The following ZNF627 variants were observed in gnomAD, a reference collection of about 807,000 sequenced individuals.
ZNF627 encodes the protein zinc finger protein 627.
A neutral mutation model predicts 10.6 loss-of-function variants in ZNF627; 12 were observed. The observed-to-expected ratio is 1.13, with a 90% CI of 0.73 to 1.84. ZNF627 has a LOEUF of 1.84. ZNF627 is among the 40% of genes most tolerant of loss of function. The pLI, the probability that ZNF627 is intolerant of heterozygous loss-of-function variation, is 0.00. For missense variants in ZNF627, 504 were observed against 568.4 expected, an observed-to-expected ratio of 0.89 and a Z score of 1.15; for synonymous variants, 176 against 187.1, an observed-to-expected ratio of 0.94 and a Z score of 0.48.
intron 1 of ZNF627, 56 bp from the exon 2 acceptor site, chr19:11,614,471 G>A (rs576293820): frequency 3.1e-6 from 5 of 1,606,660 alleles, no homozygotes; most frequent in Middle Eastern, 1.7e-4. Context: ...ATAAAGTCTA[G>A]GCCCCCAGTG....
Position 11,616,982 on chromosome 19 carries a change from C to A in ZNF627, c.479C>A (p.Thr160Asn). 1 of 1,614,172 alleles carries A rather than the reference C, an allele frequency of 6.2e-7. No individual in the cohort carries two copies. Among genetic ancestry groups the A allele is most frequent in the Non-Finnish European group, 8.5e-7 (1 of 1,180,034 alleles). The change falls in exon 4 of 4, where the codon ACT (threonine) becomes AAT (asparagine). Residue 160 changes from threonine to asparagine, a missense_variant. Coordinates refer to ENST00000361113, the MANE Select transcript of ZNF627 (RefSeq NM_145295.4). Reference sequence around the variant, plus strand: ...CGCTCTTTTCCAGTACGTGAAAGGACTCATCCTGGAGGAAAGCCCTATGAT... The same window carrying A: ...CGCTCTTTTCCAGTACGTGAAAGGAATCATCCTGGAGGAAAGCCCTATGAT... ...YHRSFPVRER[T>N]HPGGKPYDCK...
intron 1 of ZNF627, among the ~76,000 whole-genome samples, chr19:11,613,863 C>T (rs935909425): frequency 2.6e-5 from 4 of 151,586 alleles, no homozygotes; most frequent in African/African-American, 9.7e-5. Context: ...TCTAAAGATA[C>T]ACAGTCTCAG....
At position 11,617,039 on chromosome 19, in the gene ZNF627, T is replaced by C. The variant is rs750927024; in HGVS notation, c.536T>C (p.Leu179Pro). ...CKECGETFIS[L>P]VSIRRHMLTH... ...GAATGTGGAGAAACCTTTATTTCTC[T>C]TGTAAGCATTCGAAGACACATGTTA... The change falls in exon 4 of 4, where the codon CTT (leucine) becomes CCT (proline). Residue 179 changes from leucine (L) to proline (P), a missense_variant. Coordinates refer to ENST00000361113, the MANE Select transcript of ZNF627 (RefSeq NM_145295.4). 19 of 1,614,106 alleles carry C rather than the reference T, an allele frequency of 1.2e-5. No homozygotes were observed. The highest frequency in any genetic ancestry group is 1.0e-4 in the Admixed American group (6 of 60,016).
chr19:11,614,406 G>A, intron 1 of ZNF627, 121 bp from the exon 2 acceptor site: 2 of 1,484,720 alleles, frequency 1.3e-6, no homozygotes, highest in Non-Finnish European at 1.8e-6. Context: ...TTTGATGACT[G>A]TGGAATCTTG....
chr19:11,608,481 A>C (rs1973712277), intron 1 of ZNF627, among the ~76,000 whole-genome samples: 1 of 152,216 alleles, frequency 6.6e-6, no homozygotes, highest in African/African-American at 2.4e-5. Context: ...AATAAATAAC[A>C]ATTTTAAAGA....
chr19:11,600,916 G>A (rs1289677917), intron 1 of ZNF627, among the ~76,000 whole-genome samples: 6 of 152,184 alleles, frequency 3.9e-5, no homozygotes, highest in Admixed American at 3.9e-4. Context: ...TGAAATATAA[G>A]TGCCTTACAA....
chr19:11,616,567 C>A (rs1470488187), intron 3 of ZNF627, 128 bp from the exon 4 acceptor site: 1 of 664,034 alleles, frequency 1.5e-6, no homozygotes, highest in Admixed American at 3.4e-5. Context: ...GGGTTCACGC[C>A]TGGGCAACAT....
At position 11,618,489 on chromosome 19, in the gene ZNF627, C is replaced by T. The variant is rs1267944961; in HGVS notation, c.*600C>T. On this transcript the variant is annotated 3_prime_UTR_variant, in exon 4 of 4. Coordinates refer to ENST00000361113, the MANE Select transcript of ZNF627 (RefSeq NM_145295.4). ...TTGGGAATATTCTGTGATGCTCTGACTCCCCTAGTCTGTAGACGGAATTGG... is the reference window on the plus strand; with the variant it reads ...TTGGGAATATTCTGTGATGCTCTGATTCCCCTAGTCTGTAGACGGAATTGG... 1 of 152,290 alleles carries T rather than the reference C, an allele frequency of 6.6e-6. No homozygotes were observed. The highest frequency in any genetic ancestry group is 1.5e-5 in the Non-Finnish European group (1 of 68,144). The allele number at this position is 152,290 out of a possible 1,614,324, so 9.4% of individuals were successfully genotyped here. A position where few individuals can be genotyped will look rare whatever the true frequency, so the allele number is the denominator to read the frequency against.
rs73496660 is a variant in ZNF627, at chr19:11,609,908, G to A, written c.4-4619G>A. Among the ~76,000 whole-genome samples, 1,521 of 152,130 alleles carry A rather than the reference G, an allele frequency of 1.0e-2. 28 individuals are homozygous for A. Among genetic ancestry groups the A allele is most frequent in the African/African-American group, 0.034 (1,405 of 41,508 alleles). ...CTTTACTACTTTGAGCATAGTTAAG[G>A]CGGTTGCTTAAAGTCTTCGTCCAGT... is the stretch of plus-strand genomic sequence containing the variant. On this transcript the variant is annotated intron_variant, in intron 1 of 3. Coordinates refer to ENST00000361113, the MANE Select transcript of ZNF627 (RefSeq NM_145295.4).
intron 1 of ZNF627, among the ~76,000 whole-genome samples, chr19:11,610,060 T>C (rs1310791058): frequency 2.0e-5 from 3 of 149,496 alleles, no homozygotes; most frequent in African/African-American, 7.4e-5. Flanking sequence ...TTTTTTTTTT[T>C]TTTTTTTTTG....
At chr19:11,600,765 C>T (rs1973571102) in intron 1 of ZNF627, among the ~76,000 whole-genome samples, 1 of 152,082 alleles carries the variant, frequency 6.6e-6, no homozygotes, top group Non-Finnish European at 1.5e-5. Flanking sequence ...GAGTTTAATG[C>T]GAAGTCCTAG....
intron 1 of ZNF627, among the ~76,000 whole-genome samples, chr19:11,601,702 A>G: frequency 6.6e-6 from 1 of 151,966 alleles, no homozygotes; most frequent in East Asian, 1.9e-4. Context: ...GAAGGCACCA[A>G]GTATAAAATC....
At chr19:11,615,877 C>T (rs551157314) in intron 3 of ZNF627, among the ~76,000 whole-genome samples, 170 of 150,606 alleles carry the variant, frequency 1.1e-3, no homozygotes, top group Middle Eastern at 3.4e-3. Flanking sequence ...GCCACCACAC[C>T]TGGCTAATTT....
At position 11,608,102 on chromosome 19, in the gene ZNF627, A is replaced by C. The variant is rs528374094; in HGVS notation, c.4-6425A>C. On this transcript the variant is annotated intron_variant, in intron 1 of 3. Transcript: ENST00000361113. The stretch of plus-strand genomic sequence containing the variant: ...AGGAAAAAGCAAACATGTCCTTCAC[A>C]TGGTGGCAGCAAGGAGAAGTGCAGA... Among the ~76,000 whole-genome samples, 3 of 152,218 alleles carry C rather than the reference A, an allele frequency of 2.0e-5. No homozygotes were observed. The South Asian group carries it at 6.2e-4, about 32-fold the overall frequency.
chr19:11,599,454 A>T (rs920595523), intron 1 of ZNF627, among the ~76,000 whole-genome samples: 5 of 152,222 alleles, frequency 3.3e-5, no homozygotes, highest in African/African-American at 9.6e-5. Context: ...AACTTATCCC[A>T]AGGACAGGAA....
Position 11,617,920 on chromosome 19 carries a change from T to C in ZNF627, c.*31T>C. ...AAAGGAGTCACATAGAGAAACCCCA[T>C]GAAAGTAAGAAATTTGGGAAAGCCT... is the stretch of plus-strand genomic sequence containing the variant. On this transcript the variant is annotated 3_prime_UTR_variant, in exon 4 of 4. Transcript: ENST00000361113. 2 of 1,490,188 alleles carry C rather than the reference T, an allele frequency of 1.3e-6. No individual in the cohort carries two copies. Among genetic ancestry groups the C allele is most frequent in the South Asian group, 1.4e-5 (1 of 71,144 alleles). The allele number at this position is 1,490,188 out of a possible 1,614,324, so 92.3% of individuals were successfully genotyped here.
chr19:11,602,497 A>G (rs557603534), intron 1 of ZNF627, among the ~76,000 whole-genome samples: 9 of 152,246 alleles, frequency 5.9e-5, no homozygotes, highest in East Asian at 5.8e-4. Flanking sequence ...TACCTGCCCA[A>G]TCTTCTGCCG....
In ZNF627 at chr19:11,603,012, T is replaced by G. The variant is rs980589324; in HGVS notation, c.3+5382T>G. Among the ~76,000 whole-genome samples, 3 of 152,222 alleles carry G rather than the reference T, an allele frequency of 2.0e-5. No individual in the cohort carries two copies. The South Asian group carries it at 6.2e-4, about 31-fold the overall frequency. ...CTCATTTTTAAAAGGTGGTTCTTCA[T>G]AGTTTTACCATCTATTTATCATTAG... On this transcript the variant is annotated intron_variant, in intron 1 of 3. Transcript: ENST00000361113.
chr19:11,601,849 T>C (rs939545784), intron 1 of ZNF627, among the ~76,000 whole-genome samples: 1 of 151,308 alleles, frequency 6.6e-6, no homozygotes, highest in Non-Finnish European at 1.5e-5. Context: ...CTACTAAAAA[T>C]ACAAAAATTA....
Sources: allele counts gnomAD v4.1 joint callset (sites outside exome capture counted in the v4.1 genomes callset), GRCh38; gene constraint gnomAD v4.1.1; transcripts MANE v1.5; gene names NCBI Gene and HGNC (gene_info 2026-07-23, HGNC 2026-07-21).